The following CHTF8 variants were observed in gnomAD, a reference collection of about 807,000 sequenced individuals.
CHTF8 encodes chromosome transmission fidelity factor 8, also known as chromosome transmission fidelity protein 8 homolog.
CHTF8 carries 6 observed loss-of-function variants against 11.0 expected under a neutral mutation model. That is an observed-to-expected ratio of 0.55 (90% CI 0.30 to 1.08). The LOEUF is 1.08. Among genes scored for constraint, CHTF8 ranks in the 50% least tolerant of loss-of-function variants. The pLI is 0.07. For missense variants in CHTF8, 140 were observed against 153.1 expected (o/e 0.91, Z 0.45); for synonymous variants, 53 against 60.5 (o/e 0.88, Z 0.57).
intron 1 of CHTF8, among the ~76,000 whole-genome samples, chr16:69,125,915 G>C (rs1384978474): frequency 1.3e-5 from 2 of 152,102 alleles, no homozygotes; most frequent in Non-Finnish European, 2.9e-5. Flanking sequence ...CATCTGCTGA[G>C]GTGCTTTAAA....
chr16:69,126,163 A>G (rs957830279), intron 1 of CHTF8, among the ~76,000 whole-genome samples: 2 of 152,244 alleles, frequency 1.3e-5, no homozygotes, highest in Admixed American at 6.5e-5. Flanking sequence ...TAGAGAAGCA[A>G]TAAGGTGTTC....
At chr16:69,128,828 G>A (rs747767598) in intron 1 of CHTF8, among the ~76,000 whole-genome samples, 2 of 152,160 alleles carry the variant, frequency 1.3e-5, no homozygotes, top group African/African-American at 2.4e-5. Context: ...CACTTTGGGA[G>A]CCCAAGGCGG....
chr16:69,120,852 G>A lies in CHTF8; in HGVS notation c.141+201C>T. 1.3e-6 allele frequency: 1 copy of A among 746,262 alleles called. No individual in the cohort carries two copies. The highest frequency in any genetic ancestry group is 2.4e-6 in the Non-Finnish European group (1 of 420,186). The allele number at this position is 746,262 out of a possible 1,614,324, so 46.2% of individuals were successfully genotyped here. A position where few individuals can be genotyped will look rare whatever the true frequency, so the allele number is the denominator to read the frequency against. ...CCACATAGGAGAATTTCCACTTTCA[G>A]AAATGTGAGCTTTCCAGATTCCCCA... is the stretch of plus-strand genomic sequence containing the variant. On this transcript the variant is annotated intron_variant, in intron 3 of 3. Transcript: ENST00000448552. This position sits in a 1 kb window ranked among gnomAD's most constrained non-coding sequence, Gnocchi z 4.0.
chr16:69,119,644 C>G lies in CHTF8; in HGVS notation c.*781G>C. On this transcript the variant is annotated 3_prime_UTR_variant, in exon 4 of 4. Transcript: ENST00000448552. The stretch of plus-strand genomic sequence containing the variant: ...AGGTCCAGCCATTCTTAAGTTAAGA[C>G]CAGATCCTGTGCCCAAGAGGCCACC... 1.5e-6 allele frequency: 1 copy of G among 682,714 alleles called. No homozygotes were observed. Among genetic ancestry groups the G allele is most frequent in the Non-Finnish European group, 2.7e-6 (1 of 374,002 alleles). 42.3% of individuals were successfully genotyped at this position (682,714 alleles called of 1,614,324 possible).
chr16:69,121,972 G>A (rs866591407), intron 1 of CHTF8, among the ~76,000 whole-genome samples: 1 of 151,034 alleles, frequency 6.6e-6, no homozygotes, highest in African/African-American at 2.4e-5. Context: ...CCCGGCCCTA[G>A]AGATGGGGTT....
At chr16:69,126,871 A>AG (rs1039593472) in intron 1 of CHTF8, among the ~76,000 whole-genome samples, 2 of 152,154 alleles carry the variant, frequency 1.3e-5, no homozygotes, top group African/African-American at 4.8e-5. Context: ...CACAGTAGGT[A>AG]GGGATTCCTG....
At position 69,121,101 on chromosome 16, in the gene CHTF8, G is replaced by A; in HGVS notation, c.93C>T (p.Ser31=). Residue 31 remains serine, a synonymous_variant, in exon 3 of 4, where the codon AGC becomes AGT. Coordinates refer to ENST00000448552, the MANE Select transcript of CHTF8 (RefSeq NM_001039690.5). ...ELQGEIEARY[S]TGLAGNLLGD... is the part of the protein sequence containing the mutation. Reference sequence around the variant, plus strand: ...CCAGGAGGTTTCCAGCTAATCCAGTGCTGTAGCGAGCCTCGATCTCCCCCT... The same window carrying A: ...CCAGGAGGTTTCCAGCTAATCCAGTACTGTAGCGAGCCTCGATCTCCCCCT... 5 of 1,613,982 alleles carry A rather than the reference G, an allele frequency of 3.1e-6. No homozygotes were observed. Among genetic ancestry groups the A allele is most frequent in the Non-Finnish European group, 4.2e-6 (5 of 1,180,030 alleles).
In CHTF8 at chr16:69,118,683, C is replaced by CATCT; in HGVS notation, c.*1738_*1741dup. 2 of 670,664 alleles carry CATCT rather than the reference C, an allele frequency of 3.0e-6. No individual in the cohort carries two copies. Among genetic ancestry groups the CATCT allele is most frequent in the Non-Finnish European group, 5.4e-6 (2 of 370,114 alleles). The allele number at this position is 670,664 out of a possible 1,614,324, so 41.5% of individuals were successfully genotyped here. A position where few individuals can be genotyped will look rare whatever the true frequency, so the allele number is the denominator to read the frequency against. Reference sequence around the variant, plus strand: ...GCCACAGTTCACATGCCACAAATAACATCTCACCTTCAGTCAAGAAAAACG... The same window carrying CATCT: ...GCCACAGTTCACATGCCACAAATAACATCTATCTCACCTTCAGTCAAGAAAAACG... On this transcript the variant is annotated 3_prime_UTR_variant, in exon 4 of 4. Coordinates refer to ENST00000448552, the MANE Select transcript of CHTF8 (RefSeq NM_001039690.5).
At position 69,119,277 on chromosome 16, in the gene CHTF8, G is replaced by A. The variant is rs777340231; in HGVS notation, c.*1148C>T. On this transcript the variant is annotated 3_prime_UTR_variant, in exon 4 of 4. Coordinates refer to ENST00000448552, the MANE Select transcript of CHTF8 (RefSeq NM_001039690.5). ...CCTGGAGGCCAGCGGACCTTTGGAA[G>A]GTAGCTGGGTTTGATGCCAATGTGC... 2 of 702,958 alleles carry A rather than the reference G, an allele frequency of 2.8e-6. No homozygotes were observed. The highest frequency in any genetic ancestry group is 2.7e-5 in the East Asian group (1 of 37,298). The allele number at this position is 702,958 out of a possible 1,614,324, so 43.5% of individuals were successfully genotyped here. A position where few individuals can be genotyped will look rare whatever the true frequency, so the allele number is the denominator to read the frequency against.
At chr16:69,121,023 C>A (rs1223056098) in intron 3 of CHTF8, 30 bp downstream of exon 3, 1 of 1,577,624 alleles carries the variant, frequency 6.3e-7, no homozygotes, top group Admixed American at 1.7e-5. Context: ...TTTCCTGAGG[C>A]ATTAGGCAGG....
chr16:69,119,843 C>T lies in CHTF8; in HGVS notation c.*582G>A. On this transcript the variant is annotated 3_prime_UTR_variant, in exon 4 of 4. Coordinates refer to ENST00000448552, the MANE Select transcript of CHTF8 (RefSeq NM_001039690.5). ...CCAACTGGCCTAGGATTGGGAGGAC[C>T]ATTCCCAGAGGTTAACAGAACACCG... 1.4e-6 allele frequency: 1 copy of T among 701,282 alleles called. No individual in the cohort carries two copies. Among genetic ancestry groups the T allele is most frequent in the South Asian group, 1.5e-5 (1 of 67,518 alleles). The allele number at this position is 701,282 out of a possible 1,614,324, so 43.4% of individuals were successfully genotyped here.
intron 2 of CHTF8, 46 bp downstream of exon 2, chr16:69,121,390 C>T: frequency 6.5e-7 from 1 of 1,534,798 alleles, no homozygotes; most frequent in Non-Finnish European, 8.9e-7. Context: ...ACCTCTATAG[C>T]CCTCATCATT....
At chr16:69,128,679 TA>T (rs1311219054) in intron 1 of CHTF8, among the ~76,000 whole-genome samples, 4 of 152,130 alleles carry the variant, frequency 2.6e-5, no homozygotes, top group Non-Finnish European at 5.9e-5. Context: ...TACCCAAAAC[TA>T]AAAAGCTTTG....
chr16:69,123,947 A>C (rs1961873803), intron 1 of CHTF8, among the ~76,000 whole-genome samples: 1 of 147,640 alleles, frequency 6.8e-6, no homozygotes, highest in Admixed American at 6.7e-5. Context: ...AAAAAAAAAA[A>C]CAAAAAATTA....
chr16:69,126,732 G>A (rs751755719), intron 1 of CHTF8, among the ~76,000 whole-genome samples: 2 of 152,238 alleles, frequency 1.3e-5, no homozygotes, highest in South Asian at 2.1e-4. Flanking sequence ...AGTCAGGAAC[G>A]TAGAGGAGGG....
At position 69,120,566 on chromosome 16, in the gene CHTF8, T is replaced by A; in HGVS notation, c.225A>T (p.Lys75Asn). ...HLEKPFAVLV[K>N]HTPGDQDCDE... ...CACAGTCCTGATCCCCAGGAGTGTG[T>A]TTGACAAGGACTGCAAAAGGTTTCT... Residue 75 changes from lysine to asparagine, a missense_variant, in exon 4 of 4, where the codon AAA becomes AAT. By Grantham distance (94) the Lys-to-Asn change is moderately conservative. Transcript: ENST00000448552. This position sits in a 1 kb window ranked among gnomAD's most constrained non-coding sequence, Gnocchi z 4.0. 1 of 1,614,012 alleles carries A rather than the reference T, an allele frequency of 6.2e-7. No individual in the cohort carries two copies. Among genetic ancestry groups the A allele is most frequent in the Non-Finnish European group, 8.5e-7 (1 of 1,179,986 alleles).
In CHTF8 at chr16:69,121,185, C is replaced by G. The variant is rs1452533542; in HGVS notation, c.24-15G>C. 1.2e-6 allele frequency: 2 copies of G among 1,606,434 alleles called. No individual in the cohort carries two copies. Among genetic ancestry groups the G allele is most frequent in the East Asian group, 4.5e-5 (2 of 44,786 alleles). On this transcript the variant is annotated splice_polypyrimidine_tract_variant and intron_variant, in intron 2 of 3. Transcript: ENST00000448552. ...CAGCCCTCGCACTGCAAGCAAAGGG[C>G]TGGCGGTTACAATATTTTTGAGGGG... is the stretch of plus-strand genomic sequence containing the variant.
chr16:69,125,040 G>T (rs575000232), intron 1 of CHTF8, among the ~76,000 whole-genome samples: 2 of 152,116 alleles, frequency 1.3e-5, no homozygotes, highest in Admixed American at 1.3e-4. Context: ...GAGTAGCTAG[G>T]ATTATAGGCA....
chr16:69,119,185 C>A lies in CHTF8; in HGVS notation c.*1240G>T. ...ACTTGGACCCTGCAGGCCAGTGGCC[C>A]TTGGGAAGTTAGCTGGGTTGGGGCC... On this transcript the variant is annotated 3_prime_UTR_variant, in exon 4 of 4. Coordinates refer to ENST00000448552, the MANE Select transcript of CHTF8 (RefSeq NM_001039690.5). 1.4e-6 allele frequency: 1 copy of A among 703,030 alleles called. No individual in the cohort carries two copies. Among genetic ancestry groups the A allele is most frequent in the South Asian group, 1.5e-5 (1 of 67,564 alleles). The allele number at this position is 703,030 out of a possible 1,614,324, so 43.5% of individuals were successfully genotyped here. A position where few individuals can be genotyped will look rare whatever the true frequency, so the allele number is the denominator to read the frequency against.
Sources: allele counts gnomAD v4.1 joint callset (sites outside exome capture counted in the v4.1 genomes callset), GRCh38; gene constraint gnomAD v4.1.1; non-coding constraint Gnocchi (gnomAD v3.1); transcripts MANE v1.5; gene names NCBI Gene and HGNC (gene_info 2026-07-23, HGNC 2026-07-21).